The following KCNIP4 variants were observed in gnomAD, a reference collection of about 807,000 sequenced individuals.
The protein encoded by KCNIP4 is Kv channel-interacting protein 4.
In KCNIP4, 12 loss-of-function variants were observed where a neutral mutation model predicts 34.0. The observed-to-expected ratio is 0.35, with a 90% CI of 0.23 to 0.57. KCNIP4 has a LOEUF of 0.57. Ranked by LOEUF, KCNIP4 falls within the 20% of genes least tolerant of loss-of-function variation. KCNIP4 has a pLI of 0.83. For missense variants in KCNIP4, 238 were observed against 311.7 expected (o/e 0.76, Z 1.78); for synonymous variants, 124 against 102.2 (o/e 1.21, Z -1.29).
chr4:21,735,683 C>A (rs1715943978), intron 1 of KCNIP4, among the ~76,000 whole-genome samples: 1 of 152,054 alleles, frequency 6.6e-6, no homozygotes, highest in South Asian at 2.1e-4. Context: ...GAACATGGAA[C>A]CTAGGTCCCT....
At chr4:21,396,579 A>G (rs1723031411) in intron 1 of KCNIP4, among the ~76,000 whole-genome samples, 2 of 149,000 alleles carry the variant, frequency 1.3e-5, no homozygotes, top group Admixed American at 6.7e-5. Context: ...GAGGATTCTG[A>G]TATTTAAAGT....
chr4:21,649,019 CA>C (rs1365596572), intron 1 of KCNIP4, among the ~76,000 whole-genome samples: 1 of 152,102 alleles, frequency 6.6e-6, no homozygotes, highest in African/African-American at 2.4e-5. Context: ...CATTCTCAAT[CA>C]ATTTAGTGGA....
intron 1 of KCNIP4, chr4:21,697,749 T>C: frequency 5.1e-6 from 5 of 983,490 alleles, no homozygotes; most frequent in Non-Finnish European, 6.3e-6. Flanking sequence ...CTGGTTCGGC[T>C]CGGCATCCCC....
At chr4:21,920,878 T>C (rs561111524) in intron 1 of KCNIP4, among the ~76,000 whole-genome samples, 75 of 152,230 alleles carry the variant, frequency 4.9e-4, no homozygotes, top group African/African-American at 1.8e-3. Context: ...ATTTTCTTTG[T>C]TTGCTTAAAA....
chr4:21,030,964 T>A (rs1740972238), intron 1 of KCNIP4, among the ~76,000 whole-genome samples: 1 of 152,188 alleles, frequency 6.6e-6, no homozygotes, highest in Admixed American at 6.5e-5. Context: ...ATGGCTCTGC[T>A]TGAGGGTGTT....
intron 1 of KCNIP4, among the ~76,000 whole-genome samples, chr4:21,814,005 T>G (rs1377501053): frequency 6.6e-6 from 1 of 152,184 alleles, no homozygotes; most frequent in Non-Finnish European, 1.5e-5. Flanking sequence ...TTAGGTGCTT[T>G]ACATGAAGCA....
chr4:20,864,167 T>TAC (rs1463209493), intron 2 of KCNIP4, among the ~76,000 whole-genome samples: 23 of 72,450 alleles, frequency 3.2e-4, no homozygotes, highest in Non-Finnish European at 7.8e-4. Context: ...TACACATGTA[T>TAC]GTATACACAT....
chr4:21,242,842 A>G (rs1001246259), intron 1 of KCNIP4, among the ~76,000 whole-genome samples: 3 of 151,830 alleles, frequency 2.0e-5, no homozygotes, highest in African/African-American at 7.3e-5. Context: ...GCAATTCCTC[A>G]AAATAAATAC....
rs183437754 is a variant in KCNIP4, at chr4:21,414,226, G to C, written c.62-531517C>G. 1.9e-3 allele frequency among the ~76,000 whole-genome samples: 293 copies of C among 152,276 alleles called. 1 individual carries two copies. The highest frequency in any genetic ancestry group is 6.9e-3 in the African/African-American group (287 of 41,566). ...AGAGAGGTCAGGACAGTCTCAATGA[G>C]ATGGTGACAACTAAAGAAGGTAATG... On this transcript the variant is annotated intron_variant, in intron 1 of 8. Coordinates refer to ENST00000382152, the MANE Select transcript of KCNIP4 (RefSeq NM_025221.6).
At chr4:20,907,954 C>A (rs181609446) in intron 1 of KCNIP4, among the ~76,000 whole-genome samples, 86 of 152,190 alleles carry the variant, frequency 5.7e-4, no homozygotes, top group African/African-American at 2.0e-3. Context: ...TTAATCATAA[C>A]AACCTATTCT....
chr4:21,527,861 T>C (rs1173886151), intron 1 of KCNIP4, among the ~76,000 whole-genome samples: 1 of 152,176 alleles, frequency 6.6e-6, no homozygotes, highest in Admixed American at 6.5e-5. Flanking sequence ...GTTGCATCTC[T>C]TAACTACTGT....
chr4:21,894,035 T>A (rs113855046), intron 1 of KCNIP4, among the ~76,000 whole-genome samples: 5,719 of 152,070 alleles, frequency 0.038, 345 homozygotes, highest in African/African-American at 0.13. Flanking sequence ...AATTTTTTTT[T>A]AAATAAAACA....
chr4:21,319,905 A>G (rs183344492), intron 1 of KCNIP4, among the ~76,000 whole-genome samples: 7 of 152,356 alleles, frequency 4.6e-5, no homozygotes, highest in Non-Finnish European at 4.4e-5. Context: ...AAAAAAGAAT[A>G]GGATAGAACT....
At chr4:21,596,904 C>A (rs567138808) in intron 1 of KCNIP4, among the ~76,000 whole-genome samples, 1 of 152,130 alleles carries the variant, frequency 6.6e-6, no homozygotes, top group South Asian at 2.1e-4. Flanking sequence ...GAAGCGGAAA[C>A]CATCCTCCGA....
intron 3 of KCNIP4, among the ~76,000 whole-genome samples, chr4:20,759,916 G>A (rs1243736307): frequency 6.6e-6 from 1 of 152,144 alleles, no homozygotes. Flanking sequence ...GACCACCGCG[G>A]ATACCAAAAT....
chr4:21,607,401 T>C (rs1743789275), intron 1 of KCNIP4, among the ~76,000 whole-genome samples: 1 of 152,116 alleles, frequency 6.6e-6, no homozygotes, highest in Admixed American at 6.5e-5. Context: ...TTATTAAACA[T>C]ATGGCGAATG....
At chr4:20,850,444 G>A in intron 3 of KCNIP4, 99 bp downstream of exon 3, 1 of 1,226,250 alleles carries the variant, frequency 8.2e-7, no homozygotes, top group Non-Finnish European at 1.2e-6. Context: ...TACATATGAT[G>A]GGGCTCTCAT....
At chr4:21,529,845 A>C (rs1244334368) in intron 1 of KCNIP4, among the ~76,000 whole-genome samples, 1 of 152,176 alleles carries the variant, frequency 6.6e-6, no homozygotes, top group Non-Finnish European at 1.5e-5. Context: ...GAAATACATC[A>C]TGGCATGTCT....
chr4:20,764,484 C>T (rs1031425107), intron 3 of KCNIP4, among the ~76,000 whole-genome samples: 2 of 152,032 alleles, frequency 1.3e-5, no homozygotes, highest in African/African-American at 2.4e-5. Context: ...CCTTCTGTGA[C>T]TGCACTTGTG....
Sources: allele counts gnomAD v4.1 joint callset (sites outside exome capture counted in the v4.1 genomes callset), GRCh38; gene constraint gnomAD v4.1.1; transcripts MANE v1.5; gene names NCBI Gene and HGNC (gene_info 2026-07-23, HGNC 2026-07-21).